TBC1D22A: variants seen among roughly 807,000 people sequenced by gnomAD.
TBC1D22A encodes the protein putative GTPase activator.
A neutral mutation model predicts 60.2 loss-of-function variants in TBC1D22A; 38 were observed. The ratio of observed to expected loss-of-function variants is 0.63; its 90% CI spans 0.49 to 0.83. The LOEUF is 0.83. Among genes scored for constraint, TBC1D22A ranks in the 40% least tolerant of loss-of-function variants. The pLI is 0.00. For missense variants in TBC1D22A, 628 were observed against 701.0 expected (o/e 0.90, Z 1.18); for synonymous variants, 302 against 281.7 (o/e 1.07, Z -0.72).
chr22:46,865,056 G>A (rs1236116120), intron 4 of TBC1D22A, among the ~76,000 whole-genome samples: 2 of 152,164 alleles, frequency 1.3e-5, no homozygotes, highest in Admixed American at 6.5e-5. Context: ...CCCACACCAG[G>A]TCATACCTCT....
intron 4 of TBC1D22A, among the ~76,000 whole-genome samples, chr22:46,877,104 G>A (rs766387965): frequency 6.6e-6 from 1 of 152,240 alleles, no homozygotes; most frequent in Non-Finnish European, 1.5e-5. Flanking sequence ...TGGAAGGGAC[G>A]TAGTGGACAG....
In TBC1D22A at chr22:47,077,548, G is replaced by A. The variant is rs546272813; in HGVS notation, c.1330-33960G>A. On this transcript the variant is annotated intron_variant, in intron 11 of 12. Coordinates refer to ENST00000337137, the MANE Select transcript of TBC1D22A (RefSeq NM_014346.5). ...TCTGAAAGGTCTGTGTTCAAGTTCC[G>A]GCTCTATGCCCGGTGACCTTTAGTT... 2.6e-5 allele frequency among the ~76,000 whole-genome samples: 4 copies of A among 152,302 alleles called. No homozygotes were observed. In the South Asian group the frequency reaches 8.3e-4, roughly 32 times the overall value.
At chr22:47,144,180 A>G (rs1401073780) in intron 12 of TBC1D22A, among the ~76,000 whole-genome samples, 1 of 152,170 alleles carries the variant, frequency 6.6e-6, no homozygotes, top group Non-Finnish European at 1.5e-5. Flanking sequence ...ACCCCTGCAC[A>G]CACCCCACCT....
intron 9 of TBC1D22A, among the ~76,000 whole-genome samples, chr22:46,978,948 C>CT (rs2074409590): frequency 2.6e-5 from 4 of 152,210 alleles, no homozygotes; most frequent in Admixed American, 2.0e-4. Context: ...ATTTTGGATT[C>CT]TTTTTTCATT....
At chr22:47,106,567 C>T (rs928230461) in intron 11 of TBC1D22A, among the ~76,000 whole-genome samples, 1 of 152,046 alleles carries the variant, frequency 6.6e-6, no homozygotes, top group African/African-American at 2.4e-5. Flanking sequence ...CATTTTTAGA[C>T]AAATGAACTC....
chr22:46,781,804 A>G (rs1424630808), intron 1 of TBC1D22A, among the ~76,000 whole-genome samples: 1 of 152,064 alleles, frequency 6.6e-6, no homozygotes, highest in South Asian at 2.1e-4. Flanking sequence ...ACCCTTCATC[A>G]GTGTTTGCTC....
chr22:46,835,725 CAA>C (rs2086487961), intron 4 of TBC1D22A, among the ~76,000 whole-genome samples: 1 of 152,082 alleles, frequency 6.6e-6, no homozygotes, highest in Admixed American at 6.6e-5. Context: ...TAGCCAGACT[CAA>C]GAAGCCCATG....
At chr22:46,776,578 T>C (rs1356058679) in intron 1 of TBC1D22A, among the ~76,000 whole-genome samples, 1 of 151,950 alleles carries the variant, frequency 6.6e-6, no homozygotes, top group African/African-American at 2.4e-5. Flanking sequence ...CTACTGTTTA[T>C]TGACCTCTTG....
intron 1 of TBC1D22A, among the ~76,000 whole-genome samples, chr22:46,775,236 C>G (rs2083654144): frequency 6.6e-6 from 1 of 152,196 alleles, no homozygotes; most frequent in Admixed American, 6.5e-5. Flanking sequence ...CACCCGCTGC[C>G]CTTGTTTTCA....
At chr22:46,863,323 G>A (rs2066903037) in intron 4 of TBC1D22A, among the ~76,000 whole-genome samples, 1 of 152,224 alleles carries the variant, frequency 6.6e-6, no homozygotes, top group Non-Finnish European at 1.5e-5. Flanking sequence ...TCGGAGGAAA[G>A]CGGGAGGGGC....
intron 11 of TBC1D22A, among the ~76,000 whole-genome samples, chr22:47,093,389 G>A (rs2065054749): frequency 6.6e-6 from 1 of 152,066 alleles, no homozygotes; most frequent in Non-Finnish European, 1.5e-5. Flanking sequence ...GTTTTTGCTG[G>A]TGTGCATTTT....
At chr22:46,792,185 C>T (rs956795696) in intron 1 of TBC1D22A, among the ~76,000 whole-genome samples, 3 of 152,230 alleles carry the variant, frequency 2.0e-5, no homozygotes, top group African/African-American at 4.8e-5. Context: ...GGGCAGAGGC[C>T]TCAGTTCCTT....
chr22:47,159,562 A>T lies in TBC1D22A; in HGVS notation c.1426-13936A>T, dbSNP rs530345631. On this transcript the variant is annotated intron_variant, in intron 12 of 12. Coordinates refer to ENST00000337137, the MANE Select transcript of TBC1D22A (RefSeq NM_014346.5). ...CACGATGTATACTCACATTACACAC[A>T]CACTACACACACACCACAGTTATGT... 3.4e-5 allele frequency among the ~76,000 whole-genome samples: 5 copies of T among 148,870 alleles called. No individual in the cohort carries two copies. In the East Asian group the frequency reaches 5.9e-4, roughly 17 times the overall value.
chr22:47,065,231 C>T (rs993461387), intron 11 of TBC1D22A, among the ~76,000 whole-genome samples: 19 of 152,240 alleles, frequency 1.2e-4, no homozygotes, highest in Non-Finnish European at 2.6e-4. Flanking sequence ...CTTCTGACCT[C>T]ATGATCCGCC....
chr22:46,824,921 G>T (rs2085983937), intron 4 of TBC1D22A, among the ~76,000 whole-genome samples: 1 of 151,924 alleles, frequency 6.6e-6, no homozygotes, highest in African/African-American at 2.4e-5. Context: ...GTGTCAAGTG[G>T]GCAGCTGGAC....
intron 12 of TBC1D22A, among the ~76,000 whole-genome samples, chr22:47,148,815 G>A (rs2067386290): frequency 6.6e-6 from 1 of 152,064 alleles, no homozygotes; most frequent in South Asian, 2.1e-4. Context: ...TTCACTTGGG[G>A]ATTTCTCTTG....
chr22:46,898,513 GTCTGGC>G (rs67799834), intron 7 of TBC1D22A, among the ~76,000 whole-genome samples: 17,178 of 146,530 alleles, frequency 0.12, 1,595 homozygotes, highest in African/African-American at 0.27. Context: ...TCATGCCTTT[GTCTGGC>G]TCAGTGAATC....
intron 8 of TBC1D22A, among the ~76,000 whole-genome samples, chr22:46,941,130 C>G (rs2072007565): frequency 8.5e-6 from 1 of 117,452 alleles, no homozygotes; most frequent in Admixed American, 9.3e-5. Context: ...CACACACACA[C>G]ACACACACAC....
At chr22:46,897,533 G>A (rs1398885493) in intron 7 of TBC1D22A, among the ~76,000 whole-genome samples, 1 of 150,330 alleles carries the variant, frequency 6.7e-6, no homozygotes, top group East Asian at 1.9e-4. Context: ...GGTACTTTCA[G>A]TTTTTCATCT....
Sources: allele counts gnomAD v4.1 joint callset (sites outside exome capture counted in the v4.1 genomes callset), GRCh38; gene constraint gnomAD v4.1.1; transcripts MANE v1.5; gene names NCBI Gene and HGNC (gene_info 2026-07-23, HGNC 2026-07-21).